Variants in WEE2 observed in about 807,000 individuals in gnomAD.
WEE2 encodes wee1-like protein kinase 2.
In WEE2, 50 loss-of-function variants were observed where a neutral mutation model predicts 60.1. The ratio of observed to expected loss-of-function variants is 0.83; its 90% CI spans 0.66 to 1.05. WEE2 has a LOEUF of 1.05. WEE2 is among the 50% of genes least tolerant of loss of function. The pLI is 0.00. For missense variants in WEE2, 631 were observed against 684.3 expected (o/e 0.92, Z 0.87); for synonymous variants, 240 against 241.0 (o/e 1.00, Z 0.04).
intron 9 of WEE2, chr7:141,727,099 A>G (rs1799030892): frequency 2.0e-6 from 1 of 500,016 alleles, no homozygotes; most frequent in Non-Finnish European, 3.5e-6. Context: ...AAAACAAATC[A>G]AAGGTGTGGA....
intron 5 of WEE2, among the ~76,000 whole-genome samples, chr7:141,722,532 G>A (rs542544836): frequency 6.6e-6 from 1 of 152,246 alleles, no homozygotes; most frequent in South Asian, 2.1e-4. Flanking sequence ...CAAATACTGT[G>A]GCTCAAATAA....
chr7:141,730,203 A>G (rs1799113554), intron 11 of WEE2, 92 bp from the exon 12 acceptor site: 2 of 1,219,000 alleles, frequency 1.6e-6, no homozygotes, highest in East Asian at 2.5e-5. Context: ...GGTCCCAGAC[A>G]CAATAATTGG....
At chr7:141,728,524 T>C (rs1189775265) in intron 10 of WEE2, among the ~76,000 whole-genome samples, 1 of 152,244 alleles carries the variant, frequency 6.6e-6, no homozygotes, top group Non-Finnish European at 1.5e-5. Context: ...ACATATGTTA[T>C]TCACAAGAAT....
Position 141,724,000 on chromosome 7 carries a change from G to T in WEE2, c.1087G>T (p.Glu363Ter). The T allele has an allele frequency of 1.2e-6, 2 of 1,613,448 alleles. No individual in the cohort carries two copies. The highest frequency in any genetic ancestry group is 8.5e-7 in the Non-Finnish European group (1 of 1,179,808). The change falls in exon 7 of 12, where the codon GAA becomes TAA. Residue 363 changes from glutamate (E) to a stop codon, truncating the protein, a stop_gained. Transcript: ENST00000397541. LOFTEE classifies it high-confidence loss of function. ...ATCCTCTGGAGTCATAGAAGAAGTTGAAAATGAAGCTGATTGGTTTCTCTC... is the reference window on the plus strand; with the variant it reads ...ATCCTCTGGAGTCATAGAAGAAGTTTAAAATGAAGCTGATTGGTTTCTCTC... ...SESSGVIEEV[E>*]NEADWFLSAN...
Position 141,724,215 on chromosome 7 carries a change from A to C in WEE2, c.1161A>C (p.Ile387=), listed in dbSNP as rs1303624817. ...GTGACCTGGGCCACGCAACATCAAT[A>C]AACAAACCCAAAGTGGAAGAAGGAG... The part of the protein sequence containing the change: ...KIGDLGHATS[I]NKPKVEEGDS... The change falls in exon 8 of 12, where the codon ATA becomes ATC. Residue 387 remains isoleucine (I), a synonymous_variant. Transcript: ENST00000397541. 6.2e-7 allele frequency: 1 copy of C among 1,613,774 alleles called. No individual in the cohort carries two copies. The highest frequency in any genetic ancestry group is 1.1e-5 in the South Asian group (1 of 90,958).
chr7:141,721,214 T>C (rs1798903568), intron 5 of WEE2, among the ~76,000 whole-genome samples, 158 bp downstream of exon 5: 1 of 152,236 alleles, frequency 6.6e-6, no homozygotes, highest in South Asian at 2.1e-4. Context: ...AGCACAGAGC[T>C]TCTCTTCCTC....
At chr7:141,721,119 A>C in intron 5 of WEE2, 63 bp downstream of exon 5, 1 of 1,598,064 alleles carries the variant, frequency 6.3e-7, no homozygotes, top group Non-Finnish European at 8.6e-7. Context: ...CTTCAGAAAT[A>C]AACTTTCCCT....
intron 1 of WEE2, among the ~76,000 whole-genome samples, chr7:141,713,213 G>A (rs1026995665): frequency 5.9e-5 from 9 of 151,998 alleles, no homozygotes; most frequent in East Asian, 3.9e-4. Flanking sequence ...AATGAATCAC[G>A]CAATCTGGCT....
Position 141,731,176 on chromosome 7 carries a change from T to C in WEE2, c.*856T>C, listed in dbSNP as rs921914633. Reference sequence around the variant, plus strand: ...CATCTTAGTGAATGCAACCTGTTAATGATAATGGCTTTTTCGCTGCTTGAT... The same window carrying C: ...CATCTTAGTGAATGCAACCTGTTAACGATAATGGCTTTTTCGCTGCTTGAT... On this transcript the variant is annotated 3_prime_UTR_variant, in exon 12 of 12. Transcript: ENST00000397541. 6.6e-6 allele frequency: 1 copy of C among 152,234 alleles called. No homozygotes were observed. The highest frequency in any genetic ancestry group is 1.5e-5 in the Non-Finnish European group (1 of 68,046). The allele number at this position is 152,234 out of a possible 1,614,324, so 9.4% of individuals were successfully genotyped here.
At chr7:141,726,675 A>T (rs1799024395) in intron 9 of WEE2, among the ~76,000 whole-genome samples, 1 of 152,226 alleles carries the variant, frequency 6.6e-6, no homozygotes. Context: ...CAAGAAAGTG[A>T]ATATAATTAT....
At chr7:141,727,196 T>G in intron 9 of WEE2, 108 bp from the exon 10 acceptor site, 1 of 1,205,424 alleles carries the variant, frequency 8.3e-7, no homozygotes. Flanking sequence ...GCAGAAGCAA[T>G]GTCTTACAAA....
rs1798973184 is a variant in WEE2, at chr7:141,724,295, A to T, written c.1221+20A>T. 6 of 1,587,400 alleles carry T rather than the reference A, an allele frequency of 3.8e-6. No individual in the cohort carries two copies. Among genetic ancestry groups the T allele is most frequent in the Non-Finnish European group, 4.3e-6 (5 of 1,165,864 alleles). ...CAAGAGGTATAGATTAGGGAAATGG[A>T]GGGTATTTTATAATCTGTTGAACCT... On this transcript the variant is annotated intron_variant, in intron 8 of 11. Transcript: ENST00000397541.
At chr7:141,720,243 C>T (rs1798886966) in intron 4 of WEE2, among the ~76,000 whole-genome samples, 1 of 140,284 alleles carries the variant, frequency 7.1e-6, no homozygotes. Flanking sequence ...GCAACCTCTG[C>T]CTCCCAGGTT....
chr7:141,723,145 C>T lies in WEE2; in HGVS notation c.892C>T (p.Gln298Ter), dbSNP rs765383921. 16 of 1,614,058 alleles carry T rather than the reference C, an allele frequency of 9.9e-6. No individual in the cohort carries two copies. Among genetic ancestry groups the T allele is most frequent in the Non-Finnish European group, 1.4e-5 (16 of 1,179,970 alleles). The change falls in exon 6 of 12, where the codon CAA (glutamine) becomes TAA (stop). Residue 298 changes from glutamine to a stop codon, truncating the protein, a stop_gained. Transcript: ENST00000397541. LOFTEE classifies it high-confidence loss of function. ...QNEYCNGGSL[Q>*]AAISENTKSG... Reference sequence around the variant, plus strand: ...TTGTTCTTTCCCAGGTGGGAGTTTGCAAGCTGCTATATCTGAAAACACTAA... The same window carrying T: ...TTGTTCTTTCCCAGGTGGGAGTTTGTAAGCTGCTATATCTGAAAACACTAA...
At chr7:141,714,870 T>C (rs1798770535) in intron 2 of WEE2, among the ~76,000 whole-genome samples, 1 of 152,214 alleles carries the variant, frequency 6.6e-6, no homozygotes, top group African/African-American at 2.4e-5. Flanking sequence ...AAAAAAGCAT[T>C]GCTTTCAGAG....
At chr7:141,718,406 C>T (rs1798846221) in intron 3 of WEE2, among the ~76,000 whole-genome samples, 1 of 151,918 alleles carries the variant, frequency 6.6e-6, no homozygotes, top group Non-Finnish European at 1.5e-5. Flanking sequence ...AGAGTGTTGC[C>T]ATGATCTTCA....
intron 6 of WEE2, 119 bp downstream of exon 6, chr7:141,723,399 T>C: frequency 1.8e-6 from 2 of 1,108,806 alleles, no homozygotes; most frequent in South Asian, 1.6e-5. Flanking sequence ...AGAACCCCTT[T>C]CTTCCATTTG....
intron 1 of WEE2, among the ~76,000 whole-genome samples, chr7:141,713,013 T>G (rs1471169400): frequency 6.6e-6 from 1 of 152,140 alleles, no homozygotes; most frequent in Non-Finnish European, 1.5e-5. Flanking sequence ...TCCTGGATTC[T>G]TCAAGCAGCC....
rs556742822 is a variant in WEE2, at chr7:141,730,854, A to T, written c.*534A>T. On this transcript the variant is annotated 3_prime_UTR_variant, in exon 12 of 12. Transcript: ENST00000397541. ...TTTTTTAAAATCATATTTTATCTAA[A>T]TCCTTTTTCTGTACACATTTTTAAA... The T allele has an allele frequency of 3.3e-5, 5 of 152,368 alleles. No individual in the cohort carries two copies. Among genetic ancestry groups the T allele is most frequent in the African/African-American group, 1.2e-4 (5 of 41,570 alleles). The allele number at this position is 152,368 out of a possible 1,614,324, so 9.4% of individuals were successfully genotyped here.
Sources: gnomAD v4.1 joint callset for allele counts (sites outside exome capture counted in the v4.1 genomes callset) on GRCh38, gnomAD v4.1.1 for gene constraint, MANE v1.5 for transcripts, NCBI Gene and HGNC (gene_info 2026-07-23, HGNC 2026-07-21) for gene names.